The following NRXN1 variants were observed in gnomAD, a reference collection of about 807,000 sequenced individuals.
NRXN1 encodes neurexin-1.
A neutral mutation model predicts 150.9 loss-of-function variants in NRXN1; 39 were observed. That is an observed-to-expected ratio of 0.26 (90% CI 0.20 to 0.34). NRXN1 has a LOEUF of 0.34. Ranked by LOEUF, NRXN1 falls within the 10% of genes least tolerant of loss-of-function variation. The probability of loss-of-function intolerance (pLI) is 1.00; values close to 1 mark genes in which losing one functional copy is unlikely to be tolerated. For missense variants in NRXN1, 1,815 were observed against 1,949.9 expected, an observed-to-expected ratio of 0.93 and a Z score of 1.30; for synonymous variants, 924 against 757.0, an observed-to-expected ratio of 1.22 and a Z score of -3.62.
At chr2:50,404,160 TTTTG>T (rs2082588476) in intron 17 of NRXN1, among the ~76,000 whole-genome samples, 1 of 146,774 alleles carries the variant, frequency 6.8e-6, no homozygotes, top group African/African-American at 2.6e-5. Context: ...TTTAGTTTTT[TTTTG>T]TTTGTTTTGT....
At chr2:50,387,922 G>T (rs1280735665) in intron 17 of NRXN1, among the ~76,000 whole-genome samples, 1 of 152,064 alleles carries the variant, frequency 6.6e-6, no homozygotes, top group Non-Finnish European at 1.5e-5. Flanking sequence ...TAGGGGCTTG[G>T]GTAATGAAAC....
intron 18 of NRXN1, among the ~76,000 whole-genome samples, chr2:50,093,395 T>C (rs146453883): frequency 3.3e-5 from 5 of 151,222 alleles, no homozygotes; most frequent in African/African-American, 7.3e-5. Flanking sequence ...GTGAAGAGGA[T>C]TGTTCAAGCC....
intron 5 of NRXN1, among the ~76,000 whole-genome samples, chr2:50,793,830 T>G (rs915020629): frequency 6.6e-6 from 1 of 152,074 alleles, no homozygotes; most frequent in South Asian, 2.1e-4. Flanking sequence ...AGCAGAATTA[T>G]CCACAATGAT....
At chr2:50,009,452 G>A (rs189828617) in intron 21 of NRXN1, among the ~76,000 whole-genome samples, 172 of 152,218 alleles carry the variant, frequency 1.1e-3, no homozygotes, top group Non-Finnish European at 1.9e-3. Context: ...GCTGGAAAGG[G>A]ACACCCCACC....
chr2:50,139,793 T>C (rs1177353383), intron 18 of NRXN1, among the ~76,000 whole-genome samples: 1 of 152,122 alleles, frequency 6.6e-6, no homozygotes, highest in Non-Finnish European at 1.5e-5. Flanking sequence ...ATTTATAAGA[T>C]TTTTTGCAAA....
intron 18 of NRXN1, among the ~76,000 whole-genome samples, chr2:50,104,077 T>C (rs1203868960): frequency 6.6e-6 from 1 of 152,000 alleles, no homozygotes; most frequent in African/African-American, 2.4e-5. Flanking sequence ...GATTTGGGCA[T>C]TGAATCTGCT....
At chr2:50,941,086 G>C (rs1285319721) in intron 2 of NRXN1, among the ~76,000 whole-genome samples, 1 of 152,070 alleles carries the variant, frequency 6.6e-6, no homozygotes, top group African/African-American at 2.4e-5. Context: ...TGTTGGATAA[G>C]TGTATGGCTC....
At chr2:50,753,971 G>GTT (rs1700900561) in intron 5 of NRXN1, among the ~76,000 whole-genome samples, 1 of 138,082 alleles carries the variant, frequency 7.2e-6, no homozygotes, top group Non-Finnish European at 1.5e-5. Flanking sequence ...TTTTGGGGGG[G>GTT]GGCGGAATTC....
chr2:50,618,184 A>G (rs1046389742), intron 8 of NRXN1, among the ~76,000 whole-genome samples: 30 of 152,124 alleles, frequency 2.0e-4, no homozygotes, highest in African/African-American at 6.8e-4. Context: ...GTGATTGGGG[A>G]TGCGGCTCTG....
At chr2:50,518,185 C>T (rs1454419896) in intron 12 of NRXN1, among the ~76,000 whole-genome samples, 2 of 151,964 alleles carry the variant, frequency 1.3e-5, no homozygotes, top group Non-Finnish European at 2.9e-5. Context: ...AAAATGAACA[C>T]AAATTAAATA....
intron 17 of NRXN1, among the ~76,000 whole-genome samples, chr2:50,374,996 T>G (rs566173141): frequency 6.6e-6 from 1 of 152,272 alleles, no homozygotes; most frequent in Admixed American, 6.5e-5. Flanking sequence ...AAGAAATAAT[T>G]TCTTTGAAGA....
chr2:50,353,061 AC>A (rs1366709468), intron 17 of NRXN1, among the ~76,000 whole-genome samples: 1 of 152,112 alleles, frequency 6.6e-6, no homozygotes, highest in Non-Finnish European at 1.5e-5. Flanking sequence ...CCAATGCGGT[AC>A]TCAAGTCACT....
At chr2:50,036,924 A>G (rs1690128722) in intron 21 of NRXN1, among the ~76,000 whole-genome samples, 1 of 152,170 alleles carries the variant, frequency 6.6e-6, no homozygotes, top group South Asian at 2.1e-4. Context: ...AGCTAAACCT[A>G]GCCCAGATCA....
At chr2:50,582,967 G>A (rs1672523251) in intron 8 of NRXN1, among the ~76,000 whole-genome samples, 1 of 150,870 alleles carries the variant, frequency 6.6e-6, no homozygotes, top group Non-Finnish European at 1.5e-5. Context: ...TGTATATATT[G>A]TCTCTCTCCC....
At chr2:49,949,958 AG>A (rs1673629603) in intron 21 of NRXN1, among the ~76,000 whole-genome samples, 1 of 151,832 alleles carries the variant, frequency 6.6e-6, no homozygotes, top group Admixed American at 6.6e-5. Flanking sequence ...TAGTTTCTCC[AG>A]AAAATATTTA....
chr2:50,420,383 A>C (rs1558699846), intron 17 of NRXN1, among the ~76,000 whole-genome samples: 1 of 151,782 alleles, frequency 6.6e-6, no homozygotes, highest in Non-Finnish European at 1.5e-5. Context: ...ATTGTAATAC[A>C]CACATACATA....
In NRXN1 at chr2:50,472,481, G is replaced by T; in HGVS notation, c.3071-10C>A. ...CCTATATATAAGTCACCTGCAAGAA[G>T]ATCAAAGTCTTTGTTACAAAAGTAC... On this transcript the variant is annotated splice_polypyrimidine_tract_variant and intron_variant, in intron 15 of 22. Transcript: ENST00000401669. 1 of 1,606,166 alleles carries T rather than the reference G, an allele frequency of 6.2e-7. No homozygotes were observed. Among genetic ancestry groups the T allele is most frequent in the Non-Finnish European group, 8.5e-7 (1 of 1,174,932 alleles).
intron 3 of NRXN1, 44 bp downstream of exon 3, chr2:50,925,894 A>G: frequency 2.0e-6 from 3 of 1,497,934 alleles, no homozygotes; most frequent in Non-Finnish European, 1.8e-6. Flanking sequence ...ACTAAGAAAT[A>G]AAGGACAAAT....
chr2:50,090,876 T>C (rs980665627), intron 19 of NRXN1, among the ~76,000 whole-genome samples: 1 of 152,182 alleles, frequency 6.6e-6, no homozygotes, highest in African/African-American at 2.4e-5. Flanking sequence ...CCCTACACTT[T>C]AATGTGTTTC....
Sources: allele counts gnomAD v4.1 joint callset (sites outside exome capture counted in the v4.1 genomes callset), GRCh38; gene constraint gnomAD v4.1.1; transcripts MANE v1.5; gene names NCBI Gene and HGNC (gene_info 2026-07-23, HGNC 2026-07-21).